ZFAND4: variants seen among roughly 807,000 people sequenced by gnomAD.
ZFAND4 encodes the protein zinc finger AN1-type containing 4, also known as AN1-type zinc finger protein 4.
In ZFAND4, 43 loss-of-function variants were observed where a neutral mutation model predicts 64.4. The ratio of observed to expected loss-of-function variants is 0.67; its 90% CI spans 0.52 to 0.86. The LOEUF (loss-of-function observed/expected upper bound fraction) is 0.86, where lower values mean the gene tolerates loss of function less well. Ranked by LOEUF, ZFAND4 falls within the 40% of genes least tolerant of loss-of-function variation. The pLI, the probability that ZFAND4 is intolerant of heterozygous loss-of-function variation, is 0.00. For synonymous variants in ZFAND4, 296 were observed against 305.7 expected (o/e 0.97, Z 0.33); for missense variants, 929 against 859.8 (o/e 1.08, Z -1.01).
At chr10:45,660,160 CAAA>C (rs59673620) in intron 2 of ZFAND4, among the ~76,000 whole-genome samples, 7 of 92,540 alleles carry the variant, frequency 7.6e-5, no homozygotes, top group Non-Finnish European at 4.4e-5. Context: ...AGACGCATCT[CAAA>C]AAAAAAAAAA....
chr10:45,616,631 G>C, intron 9 of ZFAND4, 60 bp from the exon 10 acceptor site: 1 of 1,584,788 alleles, frequency 6.3e-7, no homozygotes, highest in South Asian at 1.1e-5. Context: ...TCATCTGTCT[G>C]GGAGACAGGA....
chr10:45,648,468 T>C lies in ZFAND4; in HGVS notation c.395A>G (p.Glu132Gly), dbSNP rs148014369. 1.2e-6 allele frequency: 2 copies of C among 1,613,802 alleles called. No homozygotes were observed. Among genetic ancestry groups the C allele is most frequent in the African/African-American group, 2.7e-5 (2 of 74,914 alleles). ...AACTTGTTTGCTGCAGGAGGTCTTCTCCCAGACCTCAACTCGACTGGAATC... is the reference window on the plus strand; with the variant it reads ...AACTTGTTTGCTGCAGGAGGTCTTCCCCCAGACCTCAACTCGACTGGAATC... ...YLDSSRVEVW[E>G]KTSCSKQVTF... The change falls in exon 5 of 10, where the codon GAG becomes GGG. Residue 132 changes from glutamate (E) to glycine (G), a missense_variant. Glu to Gly is a moderately conservative substitution (Grantham distance 98). Transcript: ENST00000344646.
chr10:45,621,805 A>C (rs2045447424), intron 8 of ZFAND4, among the ~76,000 whole-genome samples: 1 of 152,158 alleles, frequency 6.6e-6, no homozygotes, highest in Non-Finnish European at 1.5e-5. Flanking sequence ...CAAAAGTAAA[A>C]ATTTATAACA....
intron 5 of ZFAND4, among the ~76,000 whole-genome samples, chr10:45,647,778 G>A (rs1306665428): frequency 6.6e-6 from 1 of 152,110 alleles, no homozygotes; most frequent in Non-Finnish European, 1.5e-5. Context: ...GAAGTGAAAG[G>A]AGATAAAAAA....
chr10:45,621,660 T>C (rs1030131338), intron 8 of ZFAND4, among the ~76,000 whole-genome samples: 1 of 151,888 alleles, frequency 6.6e-6, no homozygotes, highest in African/African-American at 2.4e-5. Context: ...GAGAATGGCG[T>C]GAACCTGGGA....
chr10:45,634,628 A>C (rs2046430145), intron 6 of ZFAND4, among the ~76,000 whole-genome samples: 1 of 152,194 alleles, frequency 6.6e-6, no homozygotes, highest in Non-Finnish European at 1.5e-5. Flanking sequence ...CTAAATGAAA[A>C]GAAGTACTAG....
intron 2 of ZFAND4, among the ~76,000 whole-genome samples, chr10:45,661,912 G>A (rs1368753894): frequency 6.7e-6 from 1 of 150,284 alleles, no homozygotes; most frequent in Non-Finnish European, 1.5e-5. Flanking sequence ...TCTCCAGCCT[G>A]CGCAACAGGT....
intron 6 of ZFAND4, among the ~76,000 whole-genome samples, chr10:45,634,441 A>C (rs1359415517): frequency 6.6e-6 from 1 of 151,862 alleles, no homozygotes; most frequent in Admixed American, 6.6e-5. Flanking sequence ...AGGGAGGAGA[A>C]TCGCTTGAAC....
At position 45,626,708 on chromosome 10, in the gene ZFAND4, C is replaced by T. The variant is rs200455278; in HGVS notation, c.1115G>A (p.Gly372Glu). 6.2e-7 allele frequency: 1 copy of T among 1,614,192 alleles called. No individual in the cohort carries two copies. The highest frequency in any genetic ancestry group is 2.2e-5 in the East Asian group (1 of 44,878). The change falls in exon 7 of 10, where the codon GGA becomes GAA. Residue 372 changes from glycine (G) to glutamate (E), a missense_variant. Gly to Glu is a moderately conservative substitution (Grantham distance 98). Transcript: ENST00000344646. ...GTTCCCATTACTAGATGGCAAGTTT[C>T]CTAAAAAATGTTTTGTTTGCCTAGG... ...SLPRQTKHFL[G>E]NLPSSNGNIV...
intron 2 of ZFAND4, among the ~76,000 whole-genome samples, chr10:45,656,135 G>C (rs935527762): frequency 3.3e-5 from 5 of 152,178 alleles, no homozygotes; most frequent in African/African-American, 9.7e-5. Flanking sequence ...GGAGGCTGAG[G>C]CAGGAGAATG....
chr10:45,647,824 G>C (rs532829696), intron 5 of ZFAND4, among the ~76,000 whole-genome samples: 24 of 152,270 alleles, frequency 1.6e-4, no homozygotes, highest in African/African-American at 4.3e-4. Context: ...AACTAACTGA[G>C]AGGTTGCCTT....
rs1322198239 is a variant in ZFAND4, at chr10:45,639,900, C to G, written c.633G>C (p.Gly211=). 6.2e-7 allele frequency: 1 copy of G among 1,613,424 alleles called. No individual in the cohort carries two copies. Among genetic ancestry groups the G allele is most frequent in the East Asian group, 2.2e-5 (1 of 44,814 alleles). ...TTATTGAATTTTCAATTATCTGTTG[C>G]CCAGAAGAAGAAGGCTCAGTTTCTT... is the stretch of plus-strand genomic sequence containing the variant. ...EDEETEPSSS[G]QQIIENSITM... The change falls in exon 6 of 10, where the codon GGG becomes GGC. Residue 211 remains glycine, a synonymous_variant. Transcript: ENST00000344646.
chr10:45,651,575 C>T, intron 4 of ZFAND4: 1 of 472,080 alleles, frequency 2.1e-6, no homozygotes, highest in Non-Finnish European at 4.4e-6. Context: ...ACCAGGTAAA[C>T]AGGCAATGTT....
chr10:45,633,409 A>G (rs2046352559), intron 6 of ZFAND4, among the ~76,000 whole-genome samples: 1 of 152,086 alleles, frequency 6.6e-6, no homozygotes, highest in Non-Finnish European at 1.5e-5. Context: ...TAGAAATTAA[A>G]AACAATGAAA....
chr10:45,643,900 C>A (rs929483807), intron 5 of ZFAND4, among the ~76,000 whole-genome samples: 1 of 152,070 alleles, frequency 6.6e-6, no homozygotes, highest in Non-Finnish European at 1.5e-5. Context: ...GGTTTATGAA[C>A]TTTAATTAGT....
intron 4 of ZFAND4, chr10:45,650,729 A>G (rs1056889871): frequency 1.3e-5 from 2 of 152,164 alleles, no homozygotes; most frequent in African/African-American, 4.8e-5. Context: ...CTATCTTAAC[A>G]TAATGGTTCA....
intron 1 of ZFAND4, among the ~76,000 whole-genome samples, chr10:45,670,970 C>G (rs1033423161): frequency 2.0e-5 from 3 of 152,082 alleles, no homozygotes; most frequent in African/African-American, 7.2e-5. Context: ...CTACAAAGAA[C>G]TTAGACAAAT....
intron 1 of ZFAND4, among the ~76,000 whole-genome samples, chr10:45,671,335 T>C (rs1490242752): frequency 6.6e-6 from 1 of 152,210 alleles, no homozygotes; most frequent in East Asian, 1.9e-4. Context: ...ACTGGGTATA[T>C]ACCCAAAGGA....
intron 7 of ZFAND4, 119 bp downstream of exon 7, chr10:45,625,832 A>T (rs947840646): frequency 1.4e-5 from 14 of 1,004,156 alleles, no homozygotes; most frequent in Middle Eastern, 3.2e-4. Context: ...TTTTCAGATA[A>T]ATTTATGAAA....
Sources: gnomAD v4.1 joint callset for allele counts (sites outside exome capture counted in the v4.1 genomes callset) on GRCh38, gnomAD v4.1.1 for gene constraint, MANE v1.5 for transcripts, NCBI Gene and HGNC (gene_info 2026-07-23, HGNC 2026-07-21) for gene names.